The following TUSC3 variants were observed in gnomAD, a reference collection of about 807,000 sequenced individuals.
TUSC3 encodes tumor suppressor candidate 3.
In TUSC3, 45 loss-of-function variants were observed where a neutral mutation model predicts 44.8. The ratio of observed to expected loss-of-function variants is 1.00; its 90% confidence interval spans 0.79 to 1.29. TUSC3 has a LOEUF of 1.29. Among genes scored for constraint, TUSC3 ranks in the 50% most tolerant of loss-of-function variants. The pLI, the probability that TUSC3 is intolerant of heterozygous loss-of-function variation, is 0.00. For missense variants in TUSC3, 519 were observed against 437.9 expected (o/e 1.19, Z -1.65); for synonymous variants, 212 against 152.9 (o/e 1.39, Z -2.85).
intron 1 of TUSC3, among the ~76,000 whole-genome samples, chr8:15,457,285 G>A (rs1216467808): frequency 6.6e-6 from 1 of 151,756 alleles, no homozygotes; most frequent in African/African-American, 2.4e-5. Flanking sequence ...CCTGAACGTT[G>A]TGCACAAGTA....
At chr8:15,806,833 A>G in the TUSC3 span, 2 of 946,856 alleles carry the variant, frequency 2.1e-6, no homozygotes, top group East Asian at 2.4e-5. Context: ...CTGTTCCTAC[A>G]AAGTAAACGT....
At chr8:15,745,450 C>T (rs2129215704) in intron 8 of TUSC3, among the ~76,000 whole-genome samples, 1 of 152,094 alleles carries the variant, frequency 6.6e-6, no homozygotes, top group African/African-American at 2.4e-5. Context: ...TCCCTTTTCC[C>T]CACGACCTCA....
At chr8:15,715,471 G>T (rs1036571358) in intron 6 of TUSC3, among the ~76,000 whole-genome samples, 2 of 152,186 alleles carry the variant, frequency 1.3e-5, no homozygotes, top group South Asian at 2.1e-4. Flanking sequence ...GTACAGTGTG[G>T]ATATGCTCTA....
chr8:15,455,131 C>G (rs1388058417), intron 1 of TUSC3, among the ~76,000 whole-genome samples: 1 of 152,126 alleles, frequency 6.6e-6, no homozygotes, highest in Non-Finnish European at 1.5e-5. Flanking sequence ...GTTTGCTTAT[C>G]CCTACCATTG....
chr8:15,683,536 T>C lies in TUSC3; in HGVS notation c.798+9700T>C, dbSNP rs186820349. 5.3e-5 allele frequency among the ~76,000 whole-genome samples: 8 copies of C among 152,064 alleles called. No homozygotes were observed. The South Asian group carries it at 1.0e-3, about 20-fold the overall frequency. On this transcript the variant is annotated intron_variant, in intron 6 of 10. Transcript: ENST00000503731. ...TACTATATCTTTGTTGTATTTCAAA[T>C]TTTGGATTGCTTTTCTGACTTCCTT...
chr8:15,624,577 T>C (rs1805404692), intron 2 of TUSC3, among the ~76,000 whole-genome samples: 1 of 152,240 alleles, frequency 6.6e-6, no homozygotes, highest in African/African-American at 2.4e-5. Context: ...GAACATCTTT[T>C]CATGTGCTTA....
intron 2 of TUSC3, among the ~76,000 whole-genome samples, chr8:15,500,367 C>A (rs1269602247): frequency 6.6e-6 from 1 of 152,168 alleles, no homozygotes; most frequent in Non-Finnish European, 1.5e-5. Flanking sequence ...ACCTAAATTA[C>A]CACCAAAGGT....
chr8:15,441,690 G>A (rs1466346359), intron 1 of TUSC3, among the ~76,000 whole-genome samples: 2 of 152,112 alleles, frequency 1.3e-5, no homozygotes, highest in African/African-American at 4.8e-5. Flanking sequence ...TTATTCAGTT[G>A]TGAAGAAGTG....
At chr8:15,688,194 A>G (rs908351171) in intron 6 of TUSC3, among the ~76,000 whole-genome samples, 1 of 149,422 alleles carries the variant, frequency 6.7e-6, no homozygotes, top group Non-Finnish European at 1.5e-5. Flanking sequence ...GTTGAGTACA[A>G]TTATATTAAA....
At chr8:15,705,615 A>G (rs2129197335) in intron 6 of TUSC3, among the ~76,000 whole-genome samples, 1 of 152,198 alleles carries the variant, frequency 6.6e-6, no homozygotes, top group Admixed American at 6.6e-5. Flanking sequence ...GTTTCTCAGA[A>G]GGCTGAATTC....
intron 1 of TUSC3, among the ~76,000 whole-genome samples, chr8:15,587,138 T>G (rs1314615402): frequency 6.6e-6 from 1 of 152,200 alleles, no homozygotes; most frequent in Non-Finnish European, 1.5e-5. Flanking sequence ...AATTTCATAA[T>G]TAACTTGCTG....
intron 1 of TUSC3, among the ~76,000 whole-genome samples, chr8:15,594,324 T>G (rs916851124): frequency 7.2e-5 from 11 of 152,186 alleles, no homozygotes; most frequent in African/African-American, 2.7e-4. Flanking sequence ...AGATTACAGC[T>G]TAATGTGCTT....
At chr8:15,429,060 A>G (rs188751434) in intron 1 of TUSC3, among the ~76,000 whole-genome samples, 1 of 152,262 alleles carries the variant, frequency 6.6e-6, no homozygotes, top group African/African-American at 2.4e-5. Context: ...TATGTCCTGA[A>G]TGGTAATGCC....
chr8:15,624,431 C>A (rs1441016804), intron 2 of TUSC3, among the ~76,000 whole-genome samples: 4 of 152,168 alleles, frequency 2.6e-5, no homozygotes, highest in Non-Finnish European at 4.4e-5. Flanking sequence ...CACATTCCAG[C>A]CATCAGTGTG....
chr8:15,530,104 C>T (rs1031967065), intron 2 of TUSC3, among the ~76,000 whole-genome samples: 1 of 151,918 alleles, frequency 6.6e-6, no homozygotes, highest in African/African-American at 2.4e-5. Context: ...TTTTACACTC[C>T]TGTATTACAT....
At chr8:15,583,359 G>T (rs1282963352) in intron 1 of TUSC3, among the ~76,000 whole-genome samples, 3 of 152,154 alleles carry the variant, frequency 2.0e-5, no homozygotes, top group Non-Finnish European at 4.4e-5. Context: ...CTTTAGATTT[G>T]AAAGCTAGAG....
chr8:15,770,857 A>T (rs1812429979), downstream of TUSC3, among the ~76,000 whole-genome samples: 2 of 152,178 alleles, frequency 1.3e-5, no homozygotes, highest in South Asian at 4.1e-4. Flanking sequence ...GTACCCGAAG[A>T]AATAATGTTC....
upstream of TUSC3, chr8:15,540,195 C>G (rs1801627401): frequency 2.0e-6 from 1 of 510,458 alleles, no homozygotes; most frequent in East Asian, 3.7e-5. Context: ...GGCTCCCTCG[C>G]CACGCCCACT....
chr8:15,559,372 T>G (rs1167239038), intron 1 of TUSC3, among the ~76,000 whole-genome samples: 2 of 148,960 alleles, frequency 1.3e-5, no homozygotes, highest in Non-Finnish European at 1.5e-5. Context: ...GACAGACAGT[T>G]TGTTATAATT....
Sources: gnomAD v4.1 joint callset for allele counts (sites outside exome capture counted in the v4.1 genomes callset) on GRCh38, gnomAD v4.1.1 for gene constraint, MANE v1.5 for transcripts, NCBI Gene and HGNC (gene_info 2026-07-23, HGNC 2026-07-21) for gene names.